The following MCTP2 variants were observed in gnomAD, a reference collection of about 807,000 sequenced individuals.
The protein encoded by MCTP2 is multiple C2 and transmembrane domain-containing protein 2.
A neutral mutation model predicts 111.6 loss-of-function variants in MCTP2; 132 were observed. The observed-to-expected ratio is 1.18, with a 90% CI of 1.03 to 1.37. The LOEUF (loss-of-function observed/expected upper bound fraction) is 1.37. Among genes scored for constraint, MCTP2 ranks in the 40% most tolerant of loss-of-function variants. The probability of loss-of-function intolerance (pLI) is 0.00; values close to 1 mark genes in which losing one functional copy is unlikely to be tolerated. For missense variants in MCTP2, 1,183 were observed against 1,067.9 expected (o/e 1.11, Z -1.50); for synonymous variants, 395 against 387.7 (o/e 1.02, Z -0.22).
chr15:94,401,958 T>C lies in MCTP2; in HGVS notation c.2024T>C (p.Met675Thr), dbSNP rs1388190347. 6.2e-7 allele frequency: 1 copy of C among 1,612,992 alleles called. No homozygotes were observed. The highest frequency in any genetic ancestry group is 1.7e-5 in the Admixed American group (1 of 60,018). ...ATCACTATGGCAATATGGAATACAA[T>C]GCAGTTCCTTAAAAGCTGCTTCCAG... is the stretch of plus-strand genomic sequence containing the variant. ...KRITMAIWNT[M>T]QFLKSCFQWE... Residue 675 changes from methionine to threonine, a missense_variant, in exon 17 of 23, where the codon ATG becomes ACG. Physicochemically the swap from Met to Thr is moderately conservative, Grantham distance 81. Coordinates refer to ENST00000357742, the MANE Select transcript of MCTP2 (RefSeq NM_001385001.1).
At chr15:94,445,225 G>C (rs2152514732) in intron 19 of MCTP2, among the ~76,000 whole-genome samples, 1 of 152,320 alleles carries the variant, frequency 6.6e-6, no homozygotes, top group East Asian at 1.9e-4. Flanking sequence ...GTCCCAAGTT[G>C]AGGGTGCTGG....
chr15:94,391,411 T>A (rs1321042293), intron 14 of MCTP2, among the ~76,000 whole-genome samples: 1 of 152,196 alleles, frequency 6.6e-6, no homozygotes, highest in Non-Finnish European at 1.5e-5. Flanking sequence ...ATAATTAAGC[T>A]TTAAAAAAAG....
At chr15:94,457,096 C>G (rs993496651) in intron 19 of MCTP2, among the ~76,000 whole-genome samples, 1 of 152,176 alleles carries the variant, frequency 6.6e-6, no homozygotes, top group African/African-American at 2.4e-5. Context: ...GTACAATTTT[C>G]ACCCAACTAA....
In MCTP2 at chr15:94,310,473, G is replaced by T. The variant is rs1296675491; in HGVS notation, c.466-3809G>T. ...ATGGAAAATGTCAATTTTACAGTGT[G>T]TTAATTTTTTTAAGTAAATTTTTTT... On this transcript the variant is annotated intron_variant, in intron 2 of 22. Transcript: ENST00000357742. Among the ~76,000 whole-genome samples the T allele has an allele frequency of 3.3e-5, 5 of 152,126 alleles. No individual in the cohort carries two copies. In the South Asian group the frequency reaches 1.0e-3, roughly 32 times the overall value.
chr15:94,313,027 G>C (rs2076217296), intron 2 of MCTP2, among the ~76,000 whole-genome samples: 1 of 152,154 alleles, frequency 6.6e-6, no homozygotes, highest in Admixed American at 6.6e-5. Context: ...GTGGCTCATG[G>C]TTTCCTAAGC....
intron 1 of MCTP2, among the ~76,000 whole-genome samples, chr15:94,271,873 C>A (rs1348579460): frequency 2.0e-5 from 3 of 152,148 alleles, no homozygotes; most frequent in African/African-American, 7.2e-5. Flanking sequence ...TTCTTTTGGG[C>A]TAACCTTTCA....
At chr15:94,347,600 G>A (rs2078052896) in intron 8 of MCTP2, among the ~76,000 whole-genome samples, 1 of 151,988 alleles carries the variant, frequency 6.6e-6, no homozygotes, top group South Asian at 2.1e-4. Context: ...TTAAAAATGG[G>A]CCTTCAAATA....
intron 1 of MCTP2, among the ~76,000 whole-genome samples, chr15:94,275,917 T>C (rs968468350): frequency 5.3e-5 from 8 of 151,372 alleles, no homozygotes; most frequent in Non-Finnish European, 8.8e-5. Context: ...GCGCGGATCT[T>C]GGCTCACTGC....
intron 2 of MCTP2, among the ~76,000 whole-genome samples, chr15:94,308,664 A>G (rs575954118): frequency 6.6e-6 from 1 of 152,346 alleles, no homozygotes; most frequent in East Asian, 1.9e-4. Flanking sequence ...CAGTGGACAA[A>G]TATTACTAAA....
intron 4 of MCTP2, among the ~76,000 whole-genome samples, chr15:94,335,981 TC>T (rs1248920311): frequency 2.6e-5 from 4 of 152,222 alleles, no homozygotes; most frequent in Admixed American, 2.6e-4. Flanking sequence ...GTATTACTTT[TC>T]TTAAAAATTA....
intron 1 of MCTP2, among the ~76,000 whole-genome samples, chr15:94,255,884 A>T (rs1357177307): frequency 2.0e-5 from 3 of 151,994 alleles, no homozygotes; most frequent in East Asian, 1.9e-4. Context: ...TCTTAGGAAA[A>T]TTTTTTTTGT....
At chr15:94,382,324 T>A (rs2080184654) in intron 12 of MCTP2, among the ~76,000 whole-genome samples, 1 of 152,236 alleles carries the variant, frequency 6.6e-6, no homozygotes, top group East Asian at 1.9e-4. Flanking sequence ...TTGATATTAT[T>A]TTAATAAATT....
chr15:94,266,822 A>G (rs2073564525), intron 1 of MCTP2, among the ~76,000 whole-genome samples: 1 of 152,254 alleles, frequency 6.6e-6, no homozygotes, highest in Non-Finnish European at 1.5e-5. Context: ...TGAAGCAGAT[A>G]AATGTAAAAC....
intron 12 of MCTP2, among the ~76,000 whole-genome samples, chr15:94,383,209 C>T (rs1001616092): frequency 5.9e-5 from 9 of 152,136 alleles, no homozygotes; most frequent in African/African-American, 2.2e-4. Context: ...GAGCTTAACT[C>T]CTAAAGAGCC....
chr15:94,301,881 AC>A (rs2075632404), intron 2 of MCTP2, among the ~76,000 whole-genome samples: 1 of 148,548 alleles, frequency 6.7e-6, no homozygotes, highest in African/African-American at 2.5e-5. Context: ...AATTCATGTC[AC>A]CTGAGAGTTT....
chr15:94,288,377 A>G (rs538032920), intron 1 of MCTP2, among the ~76,000 whole-genome samples: 11 of 152,238 alleles, frequency 7.2e-5, no homozygotes, highest in African/African-American at 2.4e-4. Flanking sequence ...TAGCGTACCA[A>G]TGACTTTGAG....
intron 10 of MCTP2, among the ~76,000 whole-genome samples, chr15:94,364,446 A>G (rs2079086091): frequency 6.6e-6 from 1 of 152,176 alleles, no homozygotes; most frequent in African/African-American, 2.4e-5. Flanking sequence ...GAGCCCAACC[A>G]GATTATTTAG....
intron 14 of MCTP2, 168 bp downstream of exon 14, chr15:94,385,693 C>G: frequency 1.8e-6 from 1 of 568,384 alleles, no homozygotes; most frequent in South Asian, 2.3e-5. Context: ...TCAGTAGTTT[C>G]AGATATAAAG....
intron 1 of MCTP2, among the ~76,000 whole-genome samples, chr15:94,244,220 G>A (rs1450299084): frequency 2.9e-5 from 4 of 136,646 alleles, no homozygotes; most frequent in African/African-American, 1.1e-4. Context: ...ACATACATAT[G>A]TGTATATATT....
Sources: allele counts gnomAD v4.1 joint callset (sites outside exome capture counted in the v4.1 genomes callset), GRCh38; gene constraint gnomAD v4.1.1; transcripts MANE v1.5; gene names NCBI Gene and HGNC (gene_info 2026-07-23, HGNC 2026-07-21).